RALGAPA1: variants seen among roughly 807,000 people sequenced by gnomAD.
The protein encoded by RALGAPA1 is ral GTPase-activating protein subunit alpha-1.
Under a neutral mutation model 269.6 loss-of-function variants are expected in RALGAPA1, and 52 were observed. The ratio of observed to expected loss-of-function variants is 0.19; its 90% CI spans 0.15 to 0.24. The LOEUF (loss-of-function observed/expected upper bound fraction) is 0.24. Ranked by LOEUF, RALGAPA1 falls within the 10% of genes least tolerant of loss-of-function variation. The pLI, the probability that RALGAPA1 is intolerant of heterozygous loss-of-function variation, is 1.00. For synonymous variants in RALGAPA1, 817 were observed against 1,008.3 expected (o/e 0.81, Z 3.60); for missense variants, 1,917 against 3,013.9 (o/e 0.64, Z 8.52).
chr14:35,645,682 A>T (rs2062385683), intron 31 of RALGAPA1, among the ~76,000 whole-genome samples: 1 of 150,178 alleles, frequency 6.7e-6, no homozygotes, highest in Non-Finnish European at 1.5e-5. Context: ...GTGAGCCGAG[A>T]TCGCGCCGGG....
At chr14:35,713,361 T>C (rs78380333) in intron 16 of RALGAPA1, among the ~76,000 whole-genome samples, 3,451 of 152,304 alleles carry the variant, frequency 0.023, 127 homozygotes, top group South Asian at 0.14. Context: ...CCCAGACTTC[T>C]AGCTTGAGCA....
At chr14:35,550,789 TG>T (rs2054926975) in intron 39 of RALGAPA1, among the ~76,000 whole-genome samples, 1 of 152,118 alleles carries the variant, frequency 6.6e-6, no homozygotes, top group African/African-American at 2.4e-5. Context: ...TTCTGTACAC[TG>T]GGGGTGAACT....
chr14:35,775,373 G>A (rs994522323), intron 2 of RALGAPA1, among the ~76,000 whole-genome samples: 2 of 152,134 alleles, frequency 1.3e-5, no homozygotes, highest in Non-Finnish European at 2.9e-5. Flanking sequence ...CAGAACCAAA[G>A]AAGGCACAAT....
At chr14:35,785,535 G>C (rs2075734853) in intron 1 of RALGAPA1, among the ~76,000 whole-genome samples, 2 of 152,216 alleles carry the variant, frequency 1.3e-5, no homozygotes, top group Admixed American at 1.3e-4. Context: ...AGAGGATAAA[G>C]GCAGAGGAAG....
At chr14:35,706,499 C>T (rs1279002694) in intron 16 of RALGAPA1, 1 of 152,058 alleles carries the variant, frequency 6.6e-6, no homozygotes, top group Non-Finnish European at 1.5e-5. Context: ...ATTCTCTCAC[C>T]CATACCATAC....
At chr14:35,651,480 T>C (rs771079851) in intron 31 of RALGAPA1, among the ~76,000 whole-genome samples, 5 of 152,170 alleles carry the variant, frequency 3.3e-5, no homozygotes, top group Non-Finnish European at 7.3e-5. Flanking sequence ...GTGGCTGCCT[T>C]TAGAGGTGAT....
At chr14:35,716,668 G>A (rs1006619845) in intron 16 of RALGAPA1, among the ~76,000 whole-genome samples, 3 of 152,012 alleles carry the variant, frequency 2.0e-5, no homozygotes, top group Non-Finnish European at 4.4e-5. Flanking sequence ...GATTCCATGG[G>A]AGTTCATATA....
chr14:35,620,430 C>T (rs901994474), intron 35 of RALGAPA1, among the ~76,000 whole-genome samples: 5 of 152,124 alleles, frequency 3.3e-5, no homozygotes, highest in Admixed American at 6.5e-5. Context: ...AAACTGGAAG[C>T]ATTCCCTTTG....
At chr14:35,596,916 C>T (rs749127410) in intron 36 of RALGAPA1, among the ~76,000 whole-genome samples, 5 of 152,118 alleles carry the variant, frequency 3.3e-5, no homozygotes, top group African/African-American at 9.7e-5. Context: ...ACACACAGTA[C>T]ATGCATATAA....
In RALGAPA1 at chr14:35,571,908, A is replaced by C. The variant is rs374166294; in HGVS notation, c.7368+652T>G. ...ATACATGAGAAACTTAATCTAATTC[A>C]AGGAATTCTGAAGATTCTTAATCAA... is the stretch of plus-strand genomic sequence containing the variant. On this transcript the variant is annotated intron_variant, in intron 38 of 41. Coordinates refer to ENST00000680220, the MANE Select transcript of RALGAPA1 (RefSeq NM_001346249.2). 5.3e-5 allele frequency among the ~76,000 whole-genome samples: 8 copies of C among 152,200 alleles called. No homozygotes were observed. In the East Asian group the frequency reaches 5.8e-4, roughly 11 times the overall value.
intron 12 of RALGAPA1, among the ~76,000 whole-genome samples, chr14:35,737,667 G>A (rs1397574011): frequency 2.1e-5 from 3 of 141,674 alleles, no homozygotes; most frequent in African/African-American, 5.3e-5. Context: ...GCTGAGGCAG[G>A]AGAATCATTT....
At chr14:35,709,213 C>T (rs1414073298) in intron 16 of RALGAPA1, among the ~76,000 whole-genome samples, 11 of 151,980 alleles carry the variant, frequency 7.2e-5, no homozygotes, top group Non-Finnish European at 1.6e-4. Context: ...TTAAAAATAA[C>T]TAAAAGAATA....
intron 7 of RALGAPA1, among the ~76,000 whole-genome samples, chr14:35,754,231 AAGTGGTAT>A (rs751002769): frequency 2.0e-5 from 3 of 152,312 alleles, no homozygotes; most frequent in Middle Eastern, 3.4e-3. Flanking sequence ...TCCATTAAAA[AAGTGGTAT>A]AGTGGACTTC....
intron 35 of RALGAPA1, among the ~76,000 whole-genome samples, chr14:35,610,214 C>T (rs2059842146): frequency 6.6e-6 from 1 of 150,782 alleles, no homozygotes; most frequent in African/African-American, 2.4e-5. Context: ...TAAGGAAATG[C>T]TATAAGCATT....
intron 27 of RALGAPA1, among the ~76,000 whole-genome samples, chr14:35,660,539 C>T (rs2063473426): frequency 6.6e-6 from 1 of 152,014 alleles, no homozygotes; most frequent in Non-Finnish European, 1.5e-5. Context: ...TCTGTGTCCA[C>T]AGATTACAGA....
Position 35,688,609 on chromosome 14 carries a change from A to G in RALGAPA1, c.3802T>C (p.Ser1268Pro), listed in dbSNP as rs2066179389. 6.5e-7 allele frequency: 1 copy of G among 1,535,412 alleles called. No individual in the cohort carries two copies. Among genetic ancestry groups the G allele is most frequent in the Non-Finnish European group, 8.7e-7 (1 of 1,146,790 alleles). Residue 1268 changes from serine (S) to proline (P), a missense_variant, in exon 18 of 42, where the codon TCC becomes CCC. By Grantham distance (74) the Ser-to-Pro change is moderately conservative. Transcript: ENST00000680220. ...ACAGTTTTATAAACGCCACCCAGGG[A>G]GCCCTGCTGTAGTCCTGCCTCATGA... ...SSHEAGLQQG[S>P]LGGVYKTVVH... is the part of the protein sequence containing the mutation.
Position 35,654,625 on chromosome 14 carries a change from T to TA in RALGAPA1, c.5497-149dup, listed in dbSNP as rs940038164. On this transcript the variant is annotated intron_variant, in intron 29 of 41. Transcript: ENST00000680220. ...TTAAGATAAATCTCTAGCTGCAAAA[T>TA]AAAAAAAATCACAACACATTCCAAA... 115 of 1,001,896 alleles carry TA rather than the reference T, an allele frequency of 1.1e-4. No individual in the cohort carries two copies. The East Asian group carries it at 1.9e-3, about 16-fold the overall frequency. 62.1% of individuals were successfully genotyped at this position (1,001,896 alleles called of 1,614,324 possible). A position where few individuals can be genotyped will look rare whatever the true frequency, so the allele number is the denominator to read the frequency against.
At chr14:35,649,940 T>C (rs2062701863) in intron 31 of RALGAPA1, among the ~76,000 whole-genome samples, 1 of 152,164 alleles carries the variant, frequency 6.6e-6, no homozygotes, top group Non-Finnish European at 1.5e-5. Flanking sequence ...AAGTATAGCT[T>C]TTTCATATTA....
intron 10 of RALGAPA1, among the ~76,000 whole-genome samples, chr14:35,743,683 T>C (rs1302691718): frequency 6.6e-6 from 1 of 152,124 alleles, no homozygotes; most frequent in African/African-American, 2.4e-5. Flanking sequence ...TCTTTTAAAA[T>C]AGATTTTGAT....
Sources: allele counts gnomAD v4.1 joint callset (sites outside exome capture counted in the v4.1 genomes callset), GRCh38; gene constraint gnomAD v4.1.1; transcripts MANE v1.5; gene names NCBI Gene and HGNC (gene_info 2026-07-23, HGNC 2026-07-21).